Variants in FREM1 observed in about 807,000 individuals in gnomAD.
FREM1 encodes FRAS1-related extracellular matrix protein 1.
A neutral mutation model predicts 210.1 loss-of-function variants in FREM1; 220 were observed. That is an observed-to-expected ratio of 1.05 (90% CI 0.94 to 1.17). The LOEUF (loss-of-function observed/expected upper bound fraction) is 1.17, where lower values mean the gene tolerates loss of function less well. FREM1 is among the 50% of genes most tolerant of loss of function. The pLI, the probability that FREM1 is intolerant of heterozygous loss-of-function variation, is 0.00. For missense variants in FREM1, 3,454 were observed against 2,675.5 expected, an observed-to-expected ratio of 1.29 and a Z score of -6.42; for synonymous variants, 1,189 against 980.2, an observed-to-expected ratio of 1.21 and a Z score of -3.98.
At chr9:14,844,482 C>G (rs1344936336) in intron 8 of FREM1, among the ~76,000 whole-genome samples, 3 of 152,176 alleles carry the variant, frequency 2.0e-5, no homozygotes, top group Non-Finnish European at 2.9e-5. Flanking sequence ...GTCTCGGCCT[C>G]CCAAAGTGCT....
At chr9:14,858,171 C>A (rs143737460) in intron 4 of FREM1, among the ~76,000 whole-genome samples, 1 of 152,118 alleles carries the variant, frequency 6.6e-6, no homozygotes, top group Non-Finnish European at 1.5e-5. Context: ...GTGGCTATCA[C>A]GCACTCAAAT....
chr9:14,855,895 T>C (rs538364759), intron 5 of FREM1, among the ~76,000 whole-genome samples: 2 of 152,128 alleles, frequency 1.3e-5, no homozygotes, highest in Admixed American at 6.5e-5. Context: ...TCAATGGATA[T>C]AATAAATCAT....
Position 14,860,706 on chromosome 9 carries a change from C to CACATATAT in FREM1, c.330-1223_330-1222insATATATGT, listed in dbSNP as rs1564100501. On this transcript the variant is annotated intron_variant, in intron 3 of 36. Transcript: ENST00000380880. The stretch of plus-strand genomic sequence containing the variant: ...ATACACATATATACACACATATATA[C>CACATATAT]ACACATATATACACATATATACACA... 5.7e-3 allele frequency among the ~76,000 whole-genome samples: 455 copies of CACATATAT among 79,374 alleles called. 18 individuals carry two copies. Among genetic ancestry groups the CACATATAT allele is most frequent in the African/African-American group, 0.026 (433 of 16,784 alleles). The allele number at this position is 79,374 out of a possible 152,430, so 52.1% of individuals were successfully genotyped here. A position where few individuals can be genotyped will look rare whatever the true frequency, so the allele number is the denominator to read the frequency against.
intron 1 of FREM1, among the ~76,000 whole-genome samples, chr9:14,875,467 C>T (rs958412641): frequency 9.8e-5 from 15 of 152,310 alleles, no homozygotes; most frequent in Middle Eastern, 3.4e-3. Flanking sequence ...TTGATCGCAT[C>T]GGCTCCTGAG....
rs112003252 is a variant in FREM1, at chr9:14,892,789, C to T, written c.-268+17125G>A. On this transcript the variant is annotated intron_variant, in intron 1 of 36. Transcript: ENST00000380880. ...CTGCAATGGGTGGGTCTTTCTCTGG[C>T]CTCCCTGGGCTCTTCACCTTCCCCA... Among the ~76,000 whole-genome samples, 1,028 of 152,206 alleles carry T rather than the reference C, an allele frequency of 6.8e-3. 18 individuals carry two copies. The highest frequency in any genetic ancestry group is 0.024 in the African/African-American group (983 of 41,536).
At chr9:14,820,294 G>A (rs983762363) in intron 13 of FREM1, among the ~76,000 whole-genome samples, 1 of 152,170 alleles carries the variant, frequency 6.6e-6, no homozygotes, top group Non-Finnish European at 1.5e-5. Context: ...CCCCACGCTT[G>A]TATTGCTACG....
At chr9:14,791,932 G>A (rs1851420672) in intron 22 of FREM1, among the ~76,000 whole-genome samples, 1 of 151,872 alleles carries the variant, frequency 6.6e-6, no homozygotes. Context: ...CCCTCTCCCG[G>A]GTTCAAGTAA....
chr9:14,854,368 T>C (rs1162654426), intron 5 of FREM1, among the ~76,000 whole-genome samples: 2 of 152,082 alleles, frequency 1.3e-5, no homozygotes, highest in East Asian at 3.8e-4. Flanking sequence ...AACAAAAATG[T>C]CCAATTATAT....
intron 23 of FREM1, among the ~76,000 whole-genome samples, chr9:14,786,345 G>A (rs998036893): frequency 1.3e-5 from 2 of 152,116 alleles, no homozygotes; most frequent in African/African-American, 4.8e-5. Flanking sequence ...CTGAAAGGGT[G>A]AATATCCAAA....
At chr9:14,774,511 ATCTCTCTCTCTC>A (rs36211636) in intron 25 of FREM1, among the ~76,000 whole-genome samples, 15,819 of 136,110 alleles carry the variant, frequency 0.12, 1,013 homozygotes, top group South Asian at 0.13. Flanking sequence ...CCTAAAATAA[ATCTCTCTCTCTC>A]TCTCTCTCTC....
chr9:14,788,409 T>C (rs7025956), intron 23 of FREM1, among the ~76,000 whole-genome samples: 42,294 of 152,192 alleles, frequency 0.28, 6,726 homozygotes, highest in Middle Eastern at 0.47. Context: ...CTAAAGAGTA[T>C]ATGTTAGCAC....
intron 3 of FREM1, among the ~76,000 whole-genome samples, chr9:14,860,940 C>CGT (rs1830116912): frequency 1.5e-5 from 1 of 67,220 alleles, no homozygotes; most frequent in Non-Finnish European, 2.7e-5. Flanking sequence ...CATATACACA[C>CGT]ATATACACAT....
chr9:14,739,475 T>TTCATATATATATAA (rs1841081113), intron 36 of FREM1, among the ~76,000 whole-genome samples: 2 of 91,636 alleles, frequency 2.2e-5, no homozygotes, highest in African/African-American at 1.0e-4. Flanking sequence ...TATATATATA[T>TTCATATATATATAA]AATTCATATA....
chr9:14,882,407 G>T (rs1198529007), intron 1 of FREM1, among the ~76,000 whole-genome samples: 1 of 150,858 alleles, frequency 6.6e-6, no homozygotes, highest in Non-Finnish European at 1.5e-5. Flanking sequence ...GAATAGACTT[G>T]AATTTTGAAT....
At chr9:14,841,701 C>CTAGA in intron 9 of FREM1, 112 bp from the exon 10 acceptor site, 2 of 651,966 alleles carry the variant, frequency 3.1e-6, no homozygotes, top group African/African-American at 1.8e-5. Context: ...ATTCTATGTA[C>CTAGA]CCAAGGAATC....
rs751407258 is a variant in FREM1 at position 14,740,179 on chromosome 9, C to A, written c.6310G>T (p.Asp2104Tyr). The A allele has an allele frequency of 5.6e-6, 9 of 1,613,242 alleles. No individual in the cohort carries two copies. In the Middle Eastern group the frequency reaches 9.9e-4, roughly 178 times the overall value. The part of the protein sequence containing the change: ...FSRQHMRWLW[D>Y]IGGRKSFWIG... The stretch of plus-strand genomic sequence containing the variant: ...CAAAAGGACTTTCTCCCACCAATGT[C>A]CCAGAGCCACCGCATGTGCTGCCTG... The change falls in exon 36 of 37, where the codon GAC becomes TAC. Residue 2104 changes from aspartate (D) to tyrosine (Y), a missense_variant. Physicochemically the swap from Asp to Tyr is radical, Grantham distance 160. Transcript: ENST00000380880.
rs77453441 is a variant in FREM1 at position 14,886,571 on chromosome 9, A to G, written c.-267-17327T>C. ...ACTTCTACTCCACATTATAATCTTT[A>G]AAATGCTAGTCAGAAGCTAAACTTA... is the stretch of plus-strand genomic sequence containing the variant. On this transcript the variant is annotated intron_variant, in intron 1 of 36. Coordinates refer to ENST00000380880, the MANE Select transcript of FREM1 (RefSeq NM_001379081.2). Among the ~76,000 whole-genome samples the G allele has an allele frequency of 4.8e-3, 730 of 152,130 alleles. 5 individuals are homozygous for G. The highest frequency in any genetic ancestry group is 0.017 in the African/African-American group (709 of 41,484).
chr9:14,855,464 T>C (rs1464082527), intron 5 of FREM1, among the ~76,000 whole-genome samples: 6 of 152,100 alleles, frequency 3.9e-5, no homozygotes, highest in Admixed American at 1.3e-4. Flanking sequence ...GATCATTTGG[T>C]CACTTGATGA....
chr9:14,756,459 A>G lies in FREM1; in HGVS notation c.5335-13T>C, dbSNP rs760824081. 1.1e-5 allele frequency: 18 copies of G among 1,566,416 alleles called. No individual in the cohort carries two copies. Among genetic ancestry groups the G allele is most frequent in the Middle Eastern group, 1.7e-4 (1 of 6,000 alleles). On this transcript the variant is annotated splice_polypyrimidine_tract_variant and intron_variant, in intron 28 of 36. Coordinates refer to ENST00000380880, the MANE Select transcript of FREM1 (RefSeq NM_001379081.2). Reference sequence around the variant, plus strand: ...ACACTTGGTTGACCTTAGGAGGGAAAAAAAAATCTTTTTAAGATAAAAATA... The same window carrying G: ...ACACTTGGTTGACCTTAGGAGGGAAGAAAAAATCTTTTTAAGATAAAAATA...
Sources: allele counts gnomAD v4.1 joint callset (sites outside exome capture counted in the v4.1 genomes callset), GRCh38; gene constraint gnomAD v4.1.1; transcripts MANE v1.5; gene names NCBI Gene and HGNC (gene_info 2026-07-23, HGNC 2026-07-21).